Variants in PLCE1 observed in about 807,000 individuals in gnomAD.
The protein encoded by PLCE1 is phospholipase C epsilon 1, also known as 1-phosphatidylinositol 4,5-bisphosphate phosphodiesterase epsilon-1.
In PLCE1, 119 loss-of-function variants were observed where a neutral mutation model predicts 242.8. The ratio of observed to expected loss-of-function variants is 0.49; its 90% CI spans 0.42 to 0.57. The LOEUF (loss-of-function observed/expected upper bound fraction) is 0.57, where lower values mean the gene tolerates loss of function less well. Among genes scored for constraint, PLCE1 ranks in the 20% least tolerant of loss-of-function variants. The pLI, the probability that PLCE1 is intolerant of heterozygous loss-of-function variation, is 0.00. For synonymous variants in PLCE1, 945 were observed against 1,017.4 expected (o/e 0.93, Z 1.35); for missense variants, 2,441 against 2,788.8 (o/e 0.88, Z 2.81).
In PLCE1 at chr10:94,052,140, G is replaced by A. The variant is rs569900488; in HGVS notation, c.1206+19888G>A. Reference sequence around the variant, plus strand: ...TGATTGATTGAATAAGGATTGGAGGGGAGAATGCCCACATGGAAACCTAGA... The same window carrying A: ...TGATTGATTGAATAAGGATTGGAGGAGAGAATGCCCACATGGAAACCTAGA... On this transcript the variant is annotated intron_variant, in intron 2 of 32. Transcript: ENST00000371380. Among the ~76,000 whole-genome samples, 35 of 152,270 alleles carry A rather than the reference G, an allele frequency of 2.3e-4. No homozygotes were observed. The South Asian group carries it at 6.6e-3, about 29-fold the overall frequency.
At chr10:94,291,720 T>C (rs1219752521) in intron 22 of PLCE1, among the ~76,000 whole-genome samples, 1 of 152,150 alleles carries the variant, frequency 6.6e-6, no homozygotes, top group East Asian at 1.9e-4. Flanking sequence ...CTGGACAACA[T>C]GGTGAAATGC....
intron 2 of PLCE1, among the ~76,000 whole-genome samples, chr10:94,087,766 T>C (rs1247341179): frequency 6.6e-6 from 1 of 152,040 alleles, no homozygotes; most frequent in East Asian, 1.9e-4. Flanking sequence ...ATTAATGAGA[T>C]TCAAAAAGGG....
In PLCE1 at chr10:94,246,480, A is replaced by G. The variant is rs2050685666; in HGVS notation, c.2955A>G (p.Leu985=). ...LYGLQTTDNR[L]LHFVAPKHTA... Reference sequence around the variant, plus strand: ...GGCTTCAGACCACAGACAACAGATTATTGCACTTCGTGGCACCAAAGCACA... The same window carrying G: ...GGCTTCAGACCACAGACAACAGATTGTTGCACTTCGTGGCACCAAAGCACA... The change falls in exon 8 of 33, where the codon TTA becomes TTG. Residue 985 remains leucine (L), a synonymous_variant. Transcript: ENST00000371380. 1.2e-6 allele frequency: 2 copies of G among 1,614,208 alleles called. No homozygotes were observed. The highest frequency in any genetic ancestry group is 2.2e-5 in the East Asian group (1 of 44,882).
intron 2 of PLCE1, among the ~76,000 whole-genome samples, chr10:94,057,608 ACT>A (rs2043942661): frequency 6.6e-6 from 1 of 152,240 alleles, no homozygotes. Flanking sequence ...ACCAACCTAT[ACT>A]TCCACGAAAC....
At chr10:94,211,596 A>T (rs889019684) in intron 4 of PLCE1, among the ~76,000 whole-genome samples, 4 of 152,236 alleles carry the variant, frequency 2.6e-5, no homozygotes, top group Non-Finnish European at 5.9e-5. Flanking sequence ...TTTCTGGATT[A>T]TTCCTTCATG....
chr10:94,324,180 C>T (rs946184203), intron 30 of PLCE1, among the ~76,000 whole-genome samples, 169 bp from the exon 31 acceptor site: 53 of 152,206 alleles, frequency 3.5e-4, no homozygotes, highest in Admixed American at 2.0e-4. Context: ...TGGGAAATTA[C>T]ATTACAAGCT....
intron 4 of PLCE1, among the ~76,000 whole-genome samples, chr10:94,175,630 T>G (rs1402706043): frequency 1.3e-5 from 2 of 152,176 alleles, no homozygotes; most frequent in Non-Finnish European, 2.9e-5. Context: ...ACTATATCAC[T>G]CTTTTGTGCT....
intron 4 of PLCE1, among the ~76,000 whole-genome samples, chr10:94,205,898 T>C (rs2049143698): frequency 6.6e-6 from 1 of 152,256 alleles, no homozygotes; most frequent in Non-Finnish European, 1.5e-5. Context: ...TCAGTCATTC[T>C]TTTAGAAATA....
chr10:94,040,226 G>T (rs1178989392), intron 2 of PLCE1, among the ~76,000 whole-genome samples: 1 of 152,172 alleles, frequency 6.6e-6, no homozygotes, highest in African/African-American at 2.4e-5. Flanking sequence ...AAAGTACTGG[G>T]ATTACAGGCA....
At chr10:94,247,647 G>T (rs1237573506) in intron 8 of PLCE1, among the ~76,000 whole-genome samples, 1 of 152,132 alleles carries the variant, frequency 6.6e-6, no homozygotes, top group East Asian at 1.9e-4. Flanking sequence ...TCCAAATGTG[G>T]GATAATTCTT....
In PLCE1 at chr10:94,030,835, C is replaced by T. The variant is rs1401219200; in HGVS notation, c.-212C>T. 1.7e-6 allele frequency: 1 copy of T among 582,492 alleles called. No individual in the cohort carries two copies. The highest frequency in any genetic ancestry group is 3.0e-6 in the Non-Finnish European group (1 of 332,700). 36.1% of individuals were successfully genotyped at this position (582,492 alleles called of 1,614,324 possible). On this transcript the variant is annotated 5_prime_UTR_variant, in exon 2 of 33. Coordinates refer to ENST00000371380, the MANE Select transcript of PLCE1 (RefSeq NM_016341.4). ...TGATCTACCACCTTAAAACCCTGAT[C>T]TAGAAAAAATATATATTCATGATAG...
chr10:94,242,279 T>C (rs77214788), intron 7 of PLCE1, among the ~76,000 whole-genome samples: 1 of 143,370 alleles, frequency 7.0e-6, no homozygotes, highest in African/African-American at 2.9e-5. Context: ...AGATCTTGTG[T>C]TTTTTTTGTT....
intron 3 of PLCE1, among the ~76,000 whole-genome samples, chr10:94,164,009 G>T (rs1266597571): frequency 6.6e-6 from 1 of 152,148 alleles, no homozygotes; most frequent in Non-Finnish European, 1.5e-5. Context: ...TAGAGTTTCT[G>T]CCGAGAGATC....
At chr10:94,233,945 C>T in intron 5 of PLCE1, 109 bp from the exon 6 acceptor site, 1 of 1,001,108 alleles carries the variant, frequency 1.0e-6, no homozygotes, top group Non-Finnish European at 1.5e-6. Flanking sequence ...GAGACTCCAC[C>T]TAAAAAAAAA....
intron 2 of PLCE1, among the ~76,000 whole-genome samples, chr10:94,037,021 TA>T (rs1205637107): frequency 1.3e-5 from 2 of 152,150 alleles, no homozygotes; most frequent in Non-Finnish European, 2.9e-5. Flanking sequence ...AAAGATTGAA[TA>T]AAAAAATTTT....
At chr10:94,321,752 C>A in intron 29 of PLCE1, 149 bp from the exon 30 acceptor site, 1 of 641,380 alleles carries the variant, frequency 1.6e-6, no homozygotes, top group Non-Finnish European at 2.7e-6. Flanking sequence ...CCTTTTAGAA[C>A]AGTTTATGAA....
chr10:94,267,077 G>A (rs2051547731), intron 16 of PLCE1, among the ~76,000 whole-genome samples: 1 of 152,050 alleles, frequency 6.6e-6, no homozygotes, highest in South Asian at 2.1e-4. Flanking sequence ...AAAGTTAAAA[G>A]AAGTTTGAAA....
intron 7 of PLCE1, among the ~76,000 whole-genome samples, chr10:94,237,015 A>C (rs558540886): frequency 1.0e-3 from 159 of 152,360 alleles, no homozygotes; most frequent in Non-Finnish European, 1.6e-3. Flanking sequence ...TATGTAGTCT[A>C]TACAGTGACT....
intron 2 of PLCE1, chr10:94,104,626 T>C (rs2045659290): frequency 6.6e-6 from 1 of 152,224 alleles, no homozygotes; most frequent in Non-Finnish European, 1.5e-5. Context: ...TTTATTTCTT[T>C]TGATCTTCTA....
Sources: gnomAD v4.1 joint callset for allele counts (sites outside exome capture counted in the v4.1 genomes callset) on GRCh38, gnomAD v4.1.1 for gene constraint, MANE v1.5 for transcripts, NCBI Gene and HGNC (gene_info 2026-07-23, HGNC 2026-07-21) for gene names.